MYO18B: variants seen among roughly 807,000 people sequenced by gnomAD.
The protein encoded by MYO18B is myosin XVIIIB, also known as unconventional myosin-XVIIIb.
In MYO18B, 204 loss-of-function variants were observed where a neutral mutation model predicts 273.0. That is an observed-to-expected ratio of 0.75 (90% CI 0.67 to 0.84). The LOEUF (loss-of-function observed/expected upper bound fraction) is 0.84. Among genes scored for constraint, MYO18B ranks in the 40% least tolerant of loss-of-function variants. MYO18B has a pLI of 0.00. For missense variants in MYO18B, 3,212 were observed against 3,287.6 expected (o/e 0.98, Z 0.56); for synonymous variants, 1,330 against 1,305.7 (o/e 1.02, Z -0.40).
At chr22:25,859,729 T>A (rs1156451244) in intron 21 of MYO18B, among the ~76,000 whole-genome samples, 2 of 152,234 alleles carry the variant, frequency 1.3e-5, no homozygotes, top group African/African-American at 4.8e-5. Flanking sequence ...CTTATAGAGT[T>A]GTACTAGTTC....
At chr22:25,895,132 G>C (rs753951734) in intron 27 of MYO18B, 24 bp from the exon 28 acceptor site, 1 of 1,609,076 alleles carries the variant, frequency 6.2e-7, no homozygotes. Context: ...CTCTTATCCT[G>C]GTCTCCCTGA....
At chr22:25,869,172 G>T (rs185675794) in intron 22 of MYO18B, among the ~76,000 whole-genome samples, 25 of 152,214 alleles carry the variant, frequency 1.6e-4, no homozygotes, top group African/African-American at 6.0e-4. Flanking sequence ...CTAGAGGCCG[G>T]GCGTGTTGGC....
At chr22:25,892,903 G>A (rs1023318571) in intron 27 of MYO18B, among the ~76,000 whole-genome samples, 2 of 152,186 alleles carry the variant, frequency 1.3e-5, no homozygotes, top group Admixed American at 1.3e-4. Context: ...CCATCTGCGT[G>A]AAATTCATGT....
At chr22:26,020,342 G>T (rs1935707034) in intron 42 of MYO18B, among the ~76,000 whole-genome samples, 2 of 152,026 alleles carry the variant, frequency 1.3e-5, no homozygotes, top group Non-Finnish European at 2.9e-5. Context: ...AGGGGAAGGG[G>T]TATGGTCCAA....
At chr22:25,815,313 C>T (rs1462912413) in intron 12 of MYO18B, among the ~76,000 whole-genome samples, 1 of 152,210 alleles carries the variant, frequency 6.6e-6, no homozygotes, top group Non-Finnish European at 1.5e-5. Context: ...TCAGGCAAGT[C>T]GTGCATAGAC....
intron 12 of MYO18B, among the ~76,000 whole-genome samples, chr22:25,821,082 A>G (rs1371134100): frequency 6.6e-6 from 1 of 152,052 alleles, no homozygotes; most frequent in Admixed American, 6.6e-5. Flanking sequence ...TCTGTTTTGG[A>G]CACCTAGGTT....
chr22:25,876,463 A>G, intron 24 of MYO18B, 131 bp downstream of exon 24: 4 of 993,512 alleles, frequency 4.0e-6, no homozygotes, highest in African/African-American at 1.7e-5. Context: ...AACAGCCTTG[A>G]TGCCCCTTCC....
chr22:25,902,592 C>T (rs1388516877), intron 29 of MYO18B, 21 bp from the exon 30 acceptor site: 9 of 1,602,028 alleles, frequency 5.6e-6, no homozygotes, highest in African/African-American at 2.7e-5. Context: ...GGGGCCCTGA[C>T]ACGTGCTCTG....
intron 21 of MYO18B, among the ~76,000 whole-genome samples, chr22:25,855,572 G>A (rs1051491220): frequency 3.9e-5 from 6 of 152,134 alleles, no homozygotes; most frequent in African/African-American, 7.2e-5. Flanking sequence ...GAGCCACTGC[G>A]CCCGGCCCTC....
intron 27 of MYO18B, chr22:25,894,679 G>A (rs2091754445): frequency 6.5e-6 from 1 of 153,396 alleles, no homozygotes; most frequent in Admixed American, 6.5e-5. Context: ...CAATAAAGTT[G>A]GCCAGTAGGA....
rs16981201 is a variant in MYO18B, at chr22:26,007,499, T to A, written c.6470+2644T>A. Among the ~76,000 whole-genome samples, 779 of 152,292 alleles carry A rather than the reference T, an allele frequency of 5.1e-3. 5 individuals are homozygous for A. The highest frequency in any genetic ancestry group is 0.017 in the African/African-American group (723 of 41,562). On this transcript the variant is annotated intron_variant, in intron 42 of 43. Coordinates refer to ENST00000335473, the MANE Select transcript of MYO18B (RefSeq NM_032608.7). ...GGTAAAGTTTACTGGAAAAATCTGA[T>A]CTCTGTTTATTAGTACTAAAACTGC...
chr22:25,813,345 C>T (rs1302751877), intron 12 of MYO18B, among the ~76,000 whole-genome samples: 1 of 152,064 alleles, frequency 6.6e-6, no homozygotes, highest in Non-Finnish European at 1.5e-5. Context: ...CCACCGCACC[C>T]TGTCCCTCTC....
At chr22:25,923,482 A>T (rs1181479639) in intron 34 of MYO18B, among the ~76,000 whole-genome samples, 1 of 152,228 alleles carries the variant, frequency 6.6e-6, no homozygotes, top group East Asian at 1.9e-4. Flanking sequence ...CATTTTACAG[A>T]TGAGAAAATG....
intron 39 of MYO18B, among the ~76,000 whole-genome samples, chr22:25,963,808 A>G (rs147311912): frequency 6.6e-6 from 1 of 152,034 alleles, no homozygotes; most frequent in East Asian, 1.9e-4. Context: ...GATCATGTAT[A>G]CAAAAGTGTC....
chr22:25,925,553 A>G (rs1056024320), intron 34 of MYO18B, among the ~76,000 whole-genome samples: 3 of 152,148 alleles, frequency 2.0e-5, no homozygotes, highest in Non-Finnish European at 4.4e-5. Flanking sequence ...AAGCATCATC[A>G]TCATCATCAC....
intron 40 of MYO18B, among the ~76,000 whole-genome samples, chr22:25,995,283 A>AC (rs1364856032): frequency 6.6e-6 from 1 of 152,212 alleles, no homozygotes; most frequent in African/African-American, 2.4e-5. Context: ...GGGATGGCTA[A>AC]TGGGTACAAA....
chr22:25,759,790 T>G (rs1016394847), intron 1 of MYO18B, among the ~76,000 whole-genome samples: 12 of 152,182 alleles, frequency 7.9e-5, no homozygotes, highest in Non-Finnish European at 1.6e-4. Flanking sequence ...TTTTGATGGT[T>G]TCATACTGTT....
intron 12 of MYO18B, among the ~76,000 whole-genome samples, chr22:25,803,127 A>AT (rs372786196): frequency 0.021 from 3,168 of 149,002 alleles, 76 homozygotes; most frequent in East Asian, 0.11. Context: ...ACACCCGGCT[A>AT]TTTTTTTTTG....
At chr22:25,790,713 G>A (rs1463863293) in intron 11 of MYO18B, among the ~76,000 whole-genome samples, 3 of 152,214 alleles carry the variant, frequency 2.0e-5, no homozygotes, top group Non-Finnish European at 4.4e-5. Context: ...TGCTACTGTG[G>A]TCAGCAGAGA....
Sources: gnomAD v4.1 joint callset for allele counts (sites outside exome capture counted in the v4.1 genomes callset) on GRCh38, gnomAD v4.1.1 for gene constraint, MANE v1.5 for transcripts, NCBI Gene and HGNC (gene_info 2026-07-23, HGNC 2026-07-21) for gene names.